SENP2: variants seen among roughly 807,000 people sequenced by gnomAD.
The protein encoded by SENP2 is sentrin-specific protease 2.
In SENP2, 16 loss-of-function variants were observed where a neutral mutation model predicts 86.3. That is an observed-to-expected ratio of 0.19 (90% CI 0.13 to 0.28). SENP2 has a LOEUF of 0.28. Ranked by LOEUF, SENP2 falls within the 10% of genes least tolerant of loss-of-function variation. The pLI, the probability that SENP2 is intolerant of heterozygous loss-of-function variation, is 1.00. For missense variants in SENP2, 552 were observed against 703.0 expected (o/e 0.79, Z 2.43); for synonymous variants, 222 against 238.7 (o/e 0.93, Z 0.64).
chr3:185,600,735 T>C (rs766076517), intron 4 of SENP2, 30 bp from the exon 5 acceptor site: 1 of 1,442,670 alleles, frequency 6.9e-7, no homozygotes, highest in Non-Finnish European at 9.7e-7. Flanking sequence ...GATTTTTCAT[T>C]TTACAATTAC....
intron 12 of SENP2, among the ~76,000 whole-genome samples, chr3:185,618,888 G>GTA (rs1317077902): frequency 6.6e-6 from 1 of 152,070 alleles, no homozygotes; most frequent in Non-Finnish European, 1.5e-5. Context: ...CAAAAAAAAA[G>GTA]TATCACCACT....
intron 1 of SENP2, among the ~76,000 whole-genome samples, chr3:185,588,248 G>A (rs1192779796): frequency 6.7e-6 from 1 of 149,778 alleles, no homozygotes; most frequent in Non-Finnish European, 1.5e-5. Flanking sequence ...TAGTAGAGAC[G>A]GGGTTTCACC....
chr3:185,600,052 C>T (rs1722295127), intron 4 of SENP2, among the ~76,000 whole-genome samples: 2 of 152,188 alleles, frequency 1.3e-5, no homozygotes, highest in South Asian at 4.1e-4. Flanking sequence ...CCACCTCGGC[C>T]TCCCAAAGTG....
intron 9 of SENP2, 58 bp downstream of exon 9, chr3:185,612,716 A>C: frequency 7.8e-7 from 1 of 1,279,016 alleles, no homozygotes; most frequent in Non-Finnish European, 1.1e-6. Context: ...TTACTTTATA[A>C]GCTGTATTTA....
chr3:185,598,313 C>A, intron 2 of SENP2, 99 bp from the exon 3 acceptor site: 1 of 1,322,116 alleles, frequency 7.6e-7, no homozygotes, highest in Non-Finnish European at 1.1e-6. Flanking sequence ...GCAAATAGAA[C>A]TTTTGATAAA....
chr3:185,620,817 C>T (rs950882910), intron 13 of SENP2, among the ~76,000 whole-genome samples: 7 of 151,444 alleles, frequency 4.6e-5, no homozygotes, highest in African/African-American at 1.2e-4. Context: ...GTTTTGTTTA[C>T]AAGATAGTAC....
At position 185,611,733 on chromosome 3, in the gene SENP2, G is replaced by A; in HGVS notation, c.805G>A (p.Val269Ile). The change falls in exon 8 of 17, where the codon GTT (valine) becomes ATT (isoleucine). Residue 269 changes from valine (V) to isoleucine (I), a missense_variant. Physicochemically the swap from Val to Ile is conservative, Grantham distance 29. Coordinates refer to ENST00000296257, the MANE Select transcript of SENP2 (RefSeq NM_021627.3). ...QNHGVKTTQFVPKQYRLVETR... is the reference protein window; with the variant it reads ...QNHGVKTTQFIPKQYRLVETR... ...TCACGGAGTCAAAACAACTCAGTTTGTTCCAAAACAATGTGAGTTCCCAGA... is the reference window on the plus strand; with the variant it reads ...TCACGGAGTCAAAACAACTCAGTTTATTCCAAAACAATGTGAGTTCCCAGA... 1.9e-6 allele frequency: 3 copies of A among 1,612,176 alleles called. No individual in the cohort carries two copies. The highest frequency in any genetic ancestry group is 1.1e-5 in the South Asian group (1 of 90,954).
Position 185,614,580 on chromosome 3 carries a change from T to A in SENP2, c.950T>A (p.Leu317Gln). ...FENESRRGYQ[L>Q]EPDLSEEVSA... ...TTTGATCAGAGGAGGGGATACCAAC[T>A]GGAGCCTGACCTATCAGAAGAAGTG... The change falls in exon 11 of 17, where the codon CTG becomes CAG. Residue 317 changes from leucine (L) to glutamine (Q), a missense_variant. Physicochemically the swap from Leu to Gln is moderately radical, Grantham distance 113. Transcript: ENST00000296257. 1.9e-6 allele frequency: 3 copies of A among 1,613,034 alleles called. No homozygotes were observed. Among genetic ancestry groups the A allele is most frequent in the Non-Finnish European group, 2.5e-6 (3 of 1,179,668 alleles).
At chr3:185,601,616 A>G (rs1478213331) in intron 5 of SENP2, among the ~76,000 whole-genome samples, 1 of 142,170 alleles carries the variant, frequency 7.0e-6, no homozygotes, top group Non-Finnish European at 1.5e-5. Context: ...TTTCCCATAC[A>G]TTCTCTCCTT....
intron 16 of SENP2, among the ~76,000 whole-genome samples, chr3:185,628,221 C>T (rs1009051826): frequency 6.6e-6 from 1 of 152,084 alleles, no homozygotes; most frequent in East Asian, 1.9e-4. Context: ...TCACTGCAAC[C>T]TCCCTCTCAG....
At chr3:185,621,483 G>A (rs1362253451) in intron 13 of SENP2, among the ~76,000 whole-genome samples, 29 of 140,380 alleles carry the variant, frequency 2.1e-4, no homozygotes, top group African/African-American at 7.3e-4. Context: ...TCTGCCTCCC[G>A]GGTTCAAGTG....
chr3:185,619,419 A>C lies in SENP2; in HGVS notation c.1363A>C (p.Lys455Gln). ...KLKSGGYQAVKRWTKGVNLFE... is the reference protein window; with the variant it reads ...KLKSGGYQAVQRWTKGVNLFE... ...AAAGTCTGGGGGTTACCAAGCAGTG[A>C]AACGATGGACCAAAGGGGTAAATCT... Residue 455 changes from lysine (K) to glutamine (Q), a missense_variant, in exon 13 of 17, where the codon AAA (lysine) becomes CAA (glutamine). Physicochemically the swap from Lys to Gln is moderately conservative, Grantham distance 53. Transcript: ENST00000296257. 1 of 1,614,192 alleles carries C rather than the reference A, an allele frequency of 6.2e-7. No individual in the cohort carries two copies.
At chr3:185,622,248 A>T (rs1431674785) in intron 14 of SENP2, among the ~76,000 whole-genome samples, 3 of 152,160 alleles carry the variant, frequency 2.0e-5, no homozygotes, top group Non-Finnish European at 4.4e-5. Context: ...TTGTATCTTT[A>T]TGCTTTCCAT....
At chr3:185,628,426 CA>C (rs1202157080) in intron 16 of SENP2, among the ~76,000 whole-genome samples, 1 of 152,056 alleles carries the variant, frequency 6.6e-6, no homozygotes, top group Non-Finnish European at 1.5e-5. Flanking sequence ...CATGTGCCAC[CA>C]CGCCCGGTGA....
chr3:185,629,808 G>A lies in SENP2; in HGVS notation c.1734G>A (p.Lys578=), dbSNP rs1316973170. 1.9e-6 allele frequency: 3 copies of A among 1,614,088 alleles called. No homozygotes were observed. In the South Asian group the frequency reaches 3.3e-5, roughly 18 times the overall value. The change falls in exon 17 of 17, where the codon AAG becomes AAA. Residue 578 remains lysine (K), a synonymous_variant. Transcript: ENST00000296257. ...ACCAGATGCCTCTCTTCCGGAAGAAGATGGTGTGGGAAATCCTTCATCAGC... is the reference window on the plus strand; with the variant it reads ...ACCAGATGCCTCTCTTCCGGAAGAAAATGGTGTGGGAAATCCTTCATCAGC... The part of the protein sequence containing the change: ...TQHQMPLFRK[K]MVWEILHQQL...
chr3:185,606,456 G>A lies in SENP2; in HGVS notation c.576G>A (p.Glu192=). The A allele has an allele frequency of 1.2e-6, 2 of 1,613,876 alleles. No homozygotes were observed. Among genetic ancestry groups the A allele is most frequent in the Non-Finnish European group, 1.7e-6 (2 of 1,179,930 alleles). ...CTGTAACAGAGATGATTTCTGAAGA[G>A]AGTGGCAAGGGTCTGAGGCGTCCCC... is the stretch of plus-strand genomic sequence containing the variant. The part of the protein sequence containing the change: ...EQAVTEMISE[E]SGKGLRRPHC... The change falls in exon 6 of 17, where the codon GAG becomes GAA. Residue 192 remains glutamate, a synonymous_variant. Coordinates refer to ENST00000296257, the MANE Select transcript of SENP2 (RefSeq NM_021627.3).
chr3:185,590,118 C>A lies in SENP2; in HGVS notation c.106C>A (p.Leu36Met). The change falls in exon 2 of 17, where the codon CTG (leucine) becomes ATG (methionine). Residue 36 changes from leucine (L) to methionine (M), a missense_variant. Coordinates refer to ENST00000296257, the MANE Select transcript of SENP2 (RefSeq NM_021627.3). The stretch of plus-strand genomic sequence containing the variant: ...TTTTTTCTTTCTCTTTTTCAGCACT[C>A]TGTTTTCTACAGTGGACACTGATGA... The part of the protein sequence containing the change: ...LLKRRRSDST[L>M]FSTVDTDEIP... 6.6e-7 allele frequency: 1 copy of A among 1,508,688 alleles called. No homozygotes were observed. The highest frequency in any genetic ancestry group is 8.9e-7 in the Non-Finnish European group (1 of 1,122,510). 93.5% of individuals were successfully genotyped at this position (1,508,688 alleles called of 1,614,324 possible). A position where few individuals can be genotyped will look rare whatever the true frequency, so the allele number is the denominator to read the frequency against.
At chr3:185,609,785 T>C (rs1409713308) in intron 7 of SENP2, among the ~76,000 whole-genome samples, 1 of 151,896 alleles carries the variant, frequency 6.6e-6, no homozygotes, top group African/African-American at 2.4e-5. Context: ...TCTTTTTGTC[T>C]TTTTTCCTTC....
chr3:185,587,103 G>C (rs543361501), intron 1 of SENP2, among the ~76,000 whole-genome samples: 12 of 152,214 alleles, frequency 7.9e-5, no homozygotes, highest in African/African-American at 2.6e-4. Context: ...GTTAAAATTT[G>C]GGGGAAACGC....
Sources: gnomAD v4.1 joint callset for allele counts (sites outside exome capture counted in the v4.1 genomes callset) on GRCh38, gnomAD v4.1.1 for gene constraint, MANE v1.5 for transcripts, NCBI Gene and HGNC (gene_info 2026-07-23, HGNC 2026-07-21) for gene names.